The following SHROOM2 variants were observed in gnomAD, a reference collection of about 807,000 sequenced individuals.
SHROOM2 encodes protein Shroom2.
A neutral mutation model predicts 75.9 loss-of-function variants in SHROOM2; 33 were observed. That is an observed-to-expected ratio of 0.43 (90% CI 0.33 to 0.58). The LOEUF (loss-of-function observed/expected upper bound fraction) is 0.58. SHROOM2 is among the 20% of genes least tolerant of loss of function. The pLI is 0.04. For missense variants in SHROOM2, 1,434 were observed against 1,461.2 expected, an observed-to-expected ratio of 0.98 and a Z score of 0.30; for synonymous variants, 655 against 663.6, an observed-to-expected ratio of 0.99 and a Z score of 0.20.
chrX:9,941,631 G>A (rs1187685611), intron 8 of SHROOM2, among the ~76,000 whole-genome samples: 3 of 111,751 alleles, frequency 2.7e-5, no homozygotes, highest in Non-Finnish European at 5.6e-5. Context: ...TCATGCACCA[G>A]TATAAAATCT....
chrX:9,847,297 C>T (rs1347200116), intron 1 of SHROOM2, among the ~76,000 whole-genome samples: 2 of 112,334 alleles, frequency 1.8e-5, no homozygotes, highest in Admixed American at 9.4e-5. Context: ...CTTTCCGGCA[C>T]CAGGCCGTGC....
chrX:9,903,108 G>A (rs747282661), intron 5 of SHROOM2, among the ~76,000 whole-genome samples: 103 of 112,273 alleles, frequency 9.2e-4, no homozygotes, highest in African/African-American at 3.2e-3. Flanking sequence ...GTGACTTGGT[G>A]TACAGAGATT....
At chrX:9,929,966 G>C (rs1340574889) in intron 5 of SHROOM2, among the ~76,000 whole-genome samples, 9 of 111,381 alleles carry the variant, frequency 8.1e-5, no homozygotes, top group East Asian at 2.8e-4. Context: ...CATGTAAGAA[G>C]TGCCTTTCAC....
At chrX:9,898,641 C>T (rs1378125562) in intron 5 of SHROOM2, among the ~76,000 whole-genome samples, 1 of 112,360 alleles carries the variant, frequency 8.9e-6, no homozygotes, top group African/African-American at 3.2e-5. Flanking sequence ...TTGCACAGAG[C>T]GCCTTATGGA....
At chrX:9,883,539 T>A (rs2084243239) in intron 2 of SHROOM2, among the ~76,000 whole-genome samples, 1 of 111,126 alleles carries the variant, frequency 9.0e-6, no homozygotes, top group Non-Finnish European at 1.9e-5. Context: ...AGACCCTAGA[T>A]GCTACAGACG....
At chrX:9,923,329 G>A (rs1230523920) in intron 5 of SHROOM2, among the ~76,000 whole-genome samples, 1 of 111,064 alleles carries the variant, frequency 9.0e-6, no homozygotes, top group East Asian at 2.8e-4. Context: ...TGGGGGGCGG[G>A]GGGTGCACTC....
chrX:9,832,998 T>C (rs995214683), intron 1 of SHROOM2, among the ~76,000 whole-genome samples: 6 of 109,982 alleles, frequency 5.5e-5, no homozygotes, highest in Non-Finnish European at 7.6e-5. Context: ...AGAGGGGAGA[T>C]GAGATGGGAG....
chrX:9,937,005 C>T (rs2084715489), intron 6 of SHROOM2, 129 bp from the exon 7 acceptor site: 3 of 665,194 alleles, frequency 4.5e-6, no homozygotes, highest in Non-Finnish European at 6.7e-6. Context: ...ATGGAGGCTC[C>T]TTCGAGTTGG....
At position 9,932,449 on chromosome X, in the gene SHROOM2, C is replaced by T; in HGVS notation, c.3166C>T (p.Leu1056Phe). The T allele has an allele frequency of 8.3e-7, 1 of 1,208,097 alleles. No individual in the cohort carries two copies. Among genetic ancestry groups the T allele is most frequent in the Non-Finnish European group, 1.1e-6 (1 of 893,243 alleles). The change falls in exon 6 of 10, where the codon CTC becomes TTC. Residue 1056 changes from leucine to phenylalanine, a missense_variant. Leu to Phe is a conservative substitution (Grantham distance 22, BLOSUM62 0). This residue lies in a region of SHROOM2 where 1,340 missense variants were observed against 1,338.3 expected (regional missense o/e 1.00). Transcript: ENST00000380913. ...QDSWPVSSAL[L>F]SKRPAPQRPP... is the part of the protein sequence containing the mutation. ...CTCGTGGCCAGTGAGCTCAGCCCTGCTCTCCAAGAGGCCAGCCCCACAGAG... is the reference window on the plus strand; with the variant it reads ...CTCGTGGCCAGTGAGCTCAGCCCTGTTCTCCAAGAGGCCAGCCCCACAGAG...
chrX:9,866,161 A>G (rs1167719148), intron 1 of SHROOM2, among the ~76,000 whole-genome samples: 1 of 92,375 alleles, frequency 1.1e-5, no homozygotes, highest in Non-Finnish European at 2.1e-5. Context: ...CTTCCCTGTT[A>G]TCGGAGCACA....
intron 1 of SHROOM2, among the ~76,000 whole-genome samples, chrX:9,812,262 C>T (rs2083795533): frequency 8.9e-6 from 1 of 111,960 alleles, no homozygotes; most frequent in Non-Finnish European, 1.9e-5. Flanking sequence ...ACCTCAGGCA[C>T]CATTGGATCA....
chrX:9,850,167 A>T (rs2084030706), intron 1 of SHROOM2, among the ~76,000 whole-genome samples: 1 of 112,110 alleles, frequency 8.9e-6, no homozygotes, highest in African/African-American at 3.2e-5. Context: ...CTGTGGGATC[A>T]TTCCCGTCTG....
At chrX:9,838,053 T>G (rs1402173833) in intron 1 of SHROOM2, among the ~76,000 whole-genome samples, 1 of 96,029 alleles carries the variant, frequency 1.0e-5, no homozygotes, top group African/African-American at 4.1e-5. Flanking sequence ...TGTGTGTGTG[T>G]GTGGTTTTTT....
intron 1 of SHROOM2, among the ~76,000 whole-genome samples, chrX:9,792,078 A>G (rs868710828): frequency 9.5e-5 from 1 of 10,478 alleles, no homozygotes; most frequent in African/African-American, 2.8e-4. Flanking sequence ...ATAGAATAGA[A>G]TAGAATAGAA....
chrX:9,815,119 A>G (rs1191969685), intron 1 of SHROOM2, among the ~76,000 whole-genome samples: 1 of 111,336 alleles, frequency 9.0e-6, no homozygotes, highest in Non-Finnish European at 1.9e-5. Flanking sequence ...TTTTCCACAT[A>G]TGGTCAAAGG....
intron 1 of SHROOM2, among the ~76,000 whole-genome samples, chrX:9,856,891 G>A (rs926385017): frequency 2.7e-5 from 3 of 112,411 alleles, no homozygotes; most frequent in Non-Finnish European, 5.6e-5. Flanking sequence ...TCCCCCATCC[G>A]CTGGGACCGC....
At chrX:9,943,389 T>C (rs1233196899) in intron 8 of SHROOM2, among the ~76,000 whole-genome samples, 1 of 111,351 alleles carries the variant, frequency 9.0e-6, no homozygotes, top group Non-Finnish European at 1.9e-5. Flanking sequence ...CCATAGATTA[T>C]GGAATCAGGG....
chrX:9,813,912 C>T (rs2083805114), intron 1 of SHROOM2, among the ~76,000 whole-genome samples: 1 of 112,089 alleles, frequency 8.9e-6, no homozygotes. Context: ...CTCCTGCCAC[C>T]TCGGGATCCA....
chrX:9,923,776 G>A lies in SHROOM2; in HGVS notation c.2892-8399G>A, dbSNP rs16985793. Among the ~76,000 whole-genome samples the A allele has an allele frequency of 6.6e-3, 743 of 112,286 alleles. 2 individuals are homozygous for A. Among genetic ancestry groups the A allele is most frequent in the African/African-American group, 0.023 (713 of 30,914 alleles). ...TCTCACATTATCATCTCCAAATCTA[G>A]GCAGGTTCTGTTATTGGGCATTAAC... On this transcript the variant is annotated intron_variant, in intron 5 of 9. Coordinates refer to ENST00000380913, the MANE Select transcript of SHROOM2 (RefSeq NM_001649.4).
Sources: allele counts gnomAD v4.1 joint callset (sites outside exome capture counted in the v4.1 genomes callset), GRCh38; gene constraint gnomAD v4.1.1; regional missense constraint gnomAD v4.1.1; transcripts MANE v1.5; gene names NCBI Gene and HGNC (gene_info 2026-07-23, HGNC 2026-07-21).